Variants in STAC observed in about 807,000 individuals in gnomAD.
STAC encodes SH3 and cysteine rich domain.
STAC carries 43 observed loss-of-function variants against 48.8 expected under a neutral mutation model. The observed-to-expected ratio is 0.88, with a 90% CI of 0.69 to 1.14. The LOEUF is 1.14. Ranked by LOEUF, STAC falls within the 50% of genes most tolerant of loss-of-function variation. STAC has a pLI of 0.00. For missense variants in STAC, 497 were observed against 504.0 expected, an observed-to-expected ratio of 0.99 and a Z score of 0.13; for synonymous variants, 193 against 179.5, an observed-to-expected ratio of 1.07 and a Z score of -0.60.
chr3:36,451,547 CA>C (rs1483378367), intron 2 of STAC, among the ~76,000 whole-genome samples: 1 of 152,128 alleles, frequency 6.6e-6, no homozygotes, highest in Non-Finnish European at 1.5e-5. Flanking sequence ...TAGCTTTAAC[CA>C]GTTTCAATAT....
intron 6 of STAC, among the ~76,000 whole-genome samples, chr3:36,499,880 G>A (rs1340988650): frequency 6.6e-6 from 1 of 151,684 alleles, no homozygotes; most frequent in Non-Finnish European, 1.5e-5. Context: ...AAAATATATA[G>A]CTGTATTAAT....
intron 1 of STAC, among the ~76,000 whole-genome samples, chr3:36,410,954 T>C (rs1230086884): frequency 6.6e-6 from 1 of 152,238 alleles, no homozygotes; most frequent in African/African-American, 2.4e-5. Context: ...CATGGATGTC[T>C]AATAGTCAAC....
At chr3:36,488,973 C>T (rs1697892305) in intron 5 of STAC, among the ~76,000 whole-genome samples, 1 of 152,120 alleles carries the variant, frequency 6.6e-6, no homozygotes, top group Admixed American at 6.5e-5. Flanking sequence ...CCTGAACTCC[C>T]CAAGCCCTAT....
intron 1 of STAC, among the ~76,000 whole-genome samples, chr3:36,391,029 G>A (rs543372014): frequency 2.6e-5 from 4 of 152,168 alleles, no homozygotes; most frequent in East Asian, 3.9e-4. Context: ...CTTCAGTCTC[G>A]TCCCATCTTC....
intron 3 of STAC, among the ~76,000 whole-genome samples, chr3:36,484,342 C>G (rs1456076): frequency 0.79 from 120,051 of 152,114 alleles, 47,663 homozygotes; most frequent in African/African-American, 0.85. Flanking sequence ...GGAGTACAGT[C>G]AAGTCCAGGT....
intron 2 of STAC, among the ~76,000 whole-genome samples, chr3:36,475,319 T>C (rs960090654): frequency 2.0e-5 from 3 of 152,180 alleles, no homozygotes; most frequent in African/African-American, 7.2e-5. Context: ...CGTGATTTCT[T>C]AGATTTTGAA....
chr3:36,504,317 A>T (rs183418346), intron 6 of STAC, 76 bp from the exon 7 acceptor site: 1 of 1,345,686 alleles, frequency 7.4e-7, no homozygotes, highest in East Asian at 2.4e-5. Flanking sequence ...TAGAATAAAT[A>T]AAGCCATCTT....
chr3:36,426,334 A>G (rs1700563626), intron 1 of STAC, among the ~76,000 whole-genome samples: 1 of 152,238 alleles, frequency 6.6e-6, no homozygotes, highest in African/African-American at 2.4e-5. Context: ...AAAATCAAGG[A>G]AAGCATCAGA....
Position 36,529,215 on chromosome 3 carries a change from C to G in STAC, c.1110+230C>G, listed in dbSNP as rs948426537. 303 of 300,192 alleles carry G rather than the reference C, an allele frequency of 1.0e-3. 4 individuals carry two copies. The highest frequency in any genetic ancestry group is 2.3e-4 in the Admixed American group (5 of 21,996). 18.6% of individuals were successfully genotyped at this position (300,192 alleles called of 1,614,324 possible). On this transcript the variant is annotated intron_variant, in intron 10 of 10. Coordinates refer to ENST00000273183, the MANE Select transcript of STAC (RefSeq NM_003149.3). The stretch of plus-strand genomic sequence containing the variant: ...GTTCATAAACGAAACGTGATAGTGG[C>G]AGGCGACGACATCTCGTCCCCCATG...
intron 1 of STAC, among the ~76,000 whole-genome samples, chr3:36,398,774 T>C (rs1371086118): frequency 1.3e-5 from 2 of 152,158 alleles, no homozygotes; most frequent in African/African-American, 4.8e-5. Flanking sequence ...CATCAGATCA[T>C]ATCATCTGAC....
At chr3:36,472,262 C>G (rs1217218116) in intron 2 of STAC, among the ~76,000 whole-genome samples, 1 of 152,200 alleles carries the variant, frequency 6.6e-6, no homozygotes, top group Non-Finnish European at 1.5e-5. Flanking sequence ...CACAGGGCAC[C>G]AAGTCCCTAG....
rs977826823 is a variant in STAC, at chr3:36,546,394, C to T, written c.*105C>T. ...GGAGCTGCCGCACTGACCCAGCCCCCCAGGAAACAGTGAGACAAGAATCAA... is the reference window on the plus strand; with the variant it reads ...GGAGCTGCCGCACTGACCCAGCCCCTCAGGAAACAGTGAGACAAGAATCAA... On this transcript the variant is annotated 3_prime_UTR_variant, in exon 11 of 11. Coordinates refer to ENST00000273183, the MANE Select transcript of STAC (RefSeq NM_003149.3). 38 of 944,208 alleles carry T rather than the reference C, an allele frequency of 4.0e-5. No individual in the cohort carries two copies. In the African/African-American group the frequency reaches 5.1e-4, roughly 13 times the overall value. The allele number at this position is 944,208 out of a possible 1,614,324, so 58.5% of individuals were successfully genotyped here. A position where few individuals can be genotyped will look rare whatever the true frequency, so the allele number is the denominator to read the frequency against.
rs377488567 is a variant in STAC, at chr3:36,504,477, A to G, written c.831+20A>G. 7 of 1,612,698 alleles carry G rather than the reference A, an allele frequency of 4.3e-6. No homozygotes were observed. In the African/African-American group the frequency reaches 9.3e-5, roughly 22 times the overall value. The stretch of plus-strand genomic sequence containing the variant: ...CACCAGGTATTTATGGATGTCACAG[A>G]AGACAAGTCAGACAGGAGTCCTTAG... On this transcript the variant is annotated intron_variant, in intron 7 of 10. Transcript: ENST00000273183.
intron 5 of STAC, among the ~76,000 whole-genome samples, chr3:36,492,031 A>AAAAAAATAT (rs1553639882): frequency 1.8e-4 from 3 of 16,440 alleles, no homozygotes; most frequent in Non-Finnish European, 2.4e-4. Context: ...AAAAAAAAAA[A>AAAAAAATAT]ATATATATAT....
chr3:36,412,587 G>T (rs1439740639), intron 1 of STAC, among the ~76,000 whole-genome samples: 2 of 152,142 alleles, frequency 1.3e-5, no homozygotes, highest in Non-Finnish European at 2.9e-5. Context: ...CTTCTACATT[G>T]TCATTTGTCA....
chr3:36,468,770 GTGTT>G lies in STAC; in HGVS notation c.389-14218_389-14215del, dbSNP rs1474885182. On this transcript the variant is annotated intron_variant, in intron 2 of 10. Coordinates refer to ENST00000273183, the MANE Select transcript of STAC (RefSeq NM_003149.3). ...CATATATGTGTGTGTGTGTGTGTGTGTGTTTGTGTGTGTTTATATTTAGAATTGT... is the reference window on the plus strand; with the variant it reads ...CATATATGTGTGTGTGTGTGTGTGTGTGTGTGTGTTTATATTTAGAATTGT... 9.5e-4 allele frequency among the ~76,000 whole-genome samples: 137 copies of G among 143,690 alleles called. No individual in the cohort carries two copies. In the East Asian group the frequency reaches 0.01, roughly 11 times the overall value. The allele number at this position is 143,690 out of a possible 152,430, so 94.3% of individuals were successfully genotyped here.
intron 1 of STAC, among the ~76,000 whole-genome samples, chr3:36,439,496 A>G (rs906656949): frequency 6.6e-6 from 1 of 152,186 alleles, no homozygotes; most frequent in Non-Finnish European, 1.5e-5. Context: ...CAAACAGTAA[A>G]TGATTTTGAT....
chr3:36,414,147 T>C (rs1029045078), intron 1 of STAC, among the ~76,000 whole-genome samples: 2 of 152,214 alleles, frequency 1.3e-5, no homozygotes, highest in Admixed American at 6.5e-5. Context: ...CTGACAATTA[T>C]GTGTCTTGGA....
At chr3:36,440,647 G>A (rs145262247) in intron 1 of STAC, among the ~76,000 whole-genome samples, 183 of 152,330 alleles carry the variant, frequency 1.2e-3, no homozygotes, top group African/African-American at 4.2e-3. Context: ...CAAGGAGTGG[G>A]AAACTAGGCT....
Sources: allele counts gnomAD v4.1 joint callset (sites outside exome capture counted in the v4.1 genomes callset), GRCh38; gene constraint gnomAD v4.1.1; transcripts MANE v1.5; gene names NCBI Gene and HGNC (gene_info 2026-07-23, HGNC 2026-07-21).